The following PDLIM5 variants were observed in gnomAD, a reference collection of about 807,000 sequenced individuals.
The protein encoded by PDLIM5 is PDZ and LIM domain 5, also known as PDZ and LIM domain protein 5.
In PDLIM5, 34 loss-of-function variants were observed where a neutral mutation model predicts 64.2. The ratio of observed to expected loss-of-function variants is 0.53; its 90% CI spans 0.40 to 0.71. The LOEUF is 0.71. Ranked by LOEUF, PDLIM5 falls within the 30% of genes least tolerant of loss-of-function variation. PDLIM5 has a pLI of 0.00. For missense variants in PDLIM5, 683 were observed against 733.6 expected (o/e 0.93, Z 0.80); for synonymous variants, 253 against 269.1 (o/e 0.94, Z 0.59).
chr4:94,538,621 A>G (rs1731516548), intron 3 of PDLIM5, among the ~76,000 whole-genome samples: 1 of 152,218 alleles, frequency 6.6e-6, no homozygotes, highest in African/African-American at 2.4e-5. Context: ...TCAGTATCTT[A>G]TGCTGAGATT....
chr4:94,455,007 A>G (rs974203108), intron 1 of PDLIM5, among the ~76,000 whole-genome samples: 1 of 152,224 alleles, frequency 6.6e-6, no homozygotes, highest in African/African-American at 2.4e-5. Flanking sequence ...AAGTTGTGAA[A>G]CATACTAAGT....
chr4:94,477,255 C>T (rs1382002856), intron 2 of PDLIM5, among the ~76,000 whole-genome samples: 2 of 152,164 alleles, frequency 1.3e-5, no homozygotes, highest in Non-Finnish European at 2.9e-5. Flanking sequence ...TTGACAATAG[C>T]TGCTCTTCGT....
chr4:94,545,060 C>T (rs1732186065), intron 3 of PDLIM5, among the ~76,000 whole-genome samples: 4 of 152,190 alleles, frequency 2.6e-5, no homozygotes, highest in Admixed American at 2.6e-4. Context: ...GAAGTTACTT[C>T]AACTCTATAG....
chr4:94,522,972 A>T (rs1439684355), intron 2 of PDLIM5, among the ~76,000 whole-genome samples: 1 of 148,686 alleles, frequency 6.7e-6, no homozygotes, highest in Non-Finnish European at 1.5e-5. Context: ...ACTTAGTATA[A>T]TATATCTGCT....
In PDLIM5 at chr4:94,666,030, A is replaced by T; in HGVS notation, c.*1963A>T. ...GTTTTTCTCTTTGTTTCCAGAATGG[A>T]TGAAAGTCCATGAACCTCCTAAGTT... On this transcript the variant is annotated 3_prime_UTR_variant, in exon 13 of 13. Coordinates refer to ENST00000317968, the MANE Select transcript of PDLIM5 (RefSeq NM_006457.5). 3 of 1,533,602 alleles carry T rather than the reference A, an allele frequency of 2.0e-6. No individual in the cohort carries two copies. The highest frequency in any genetic ancestry group is 2.6e-6 in the Non-Finnish European group (3 of 1,145,368). The allele number at this position is 1,533,602 out of a possible 1,614,324, so 95.0% of individuals were successfully genotyped here. A position where few individuals can be genotyped will look rare whatever the true frequency, so the allele number is the denominator to read the frequency against.
At chr4:94,570,288 T>C (rs1734697922) in intron 3 of PDLIM5, among the ~76,000 whole-genome samples, 1 of 152,172 alleles carries the variant, frequency 6.6e-6, no homozygotes, top group Non-Finnish European at 1.5e-5. Flanking sequence ...TTTTCCTTCT[T>C]TCTTTGACTC....
intron 5 of PDLIM5, 120 bp from the exon 6 acceptor site, chr4:94,585,445 G>T: frequency 1.6e-6 from 1 of 631,186 alleles, no homozygotes; most frequent in Non-Finnish European, 2.4e-6. Flanking sequence ...AAAGCAAACT[G>T]TTTATATAAA....
chr4:94,469,887 A>G (rs1724694060), intron 2 of PDLIM5, among the ~76,000 whole-genome samples: 1 of 151,148 alleles, frequency 6.6e-6, no homozygotes, highest in Non-Finnish European at 1.5e-5. Flanking sequence ...TTTTAGTTAT[A>G]GTTCTAACAC....
chr4:94,661,931 G>T (rs968660488), intron 11 of PDLIM5, among the ~76,000 whole-genome samples: 1 of 151,092 alleles, frequency 6.6e-6, no homozygotes, highest in Non-Finnish European at 1.5e-5. Context: ...AGCAATTTTC[G>T]TGCCTCAGCC....
chr4:94,646,186 A>G (rs1174987080), intron 9 of PDLIM5, among the ~76,000 whole-genome samples: 2 of 152,196 alleles, frequency 1.3e-5, no homozygotes, highest in Non-Finnish European at 2.9e-5. Flanking sequence ...TCTTCCCAAA[A>G]TTCATTTGCT....
chr4:94,522,961 CACTT>C (rs1480608598), intron 2 of PDLIM5, among the ~76,000 whole-genome samples: 3 of 151,972 alleles, frequency 2.0e-5, no homozygotes, highest in Non-Finnish European at 4.4e-5. Context: ...AGTTCACTGT[CACTT>C]AGTATAATAT....
chr4:94,600,208 A>T (rs1325844144), intron 7 of PDLIM5, among the ~76,000 whole-genome samples: 1 of 152,230 alleles, frequency 6.6e-6, no homozygotes, highest in Non-Finnish European at 1.5e-5. Context: ...TGCTTGGCAC[A>T]AAGTGGGAAT....
At chr4:94,597,800 C>T (rs1737187250) in intron 7 of PDLIM5, among the ~76,000 whole-genome samples, 1 of 152,096 alleles carries the variant, frequency 6.6e-6, no homozygotes, top group East Asian at 1.9e-4. Flanking sequence ...AAGTTAACTT[C>T]TAACCATAAA....
At chr4:94,562,742 G>A (rs1325029773) in intron 3 of PDLIM5, among the ~76,000 whole-genome samples, 1 of 152,194 alleles carries the variant, frequency 6.6e-6, no homozygotes, top group Non-Finnish European at 1.5e-5. Context: ...GAGTGGTGGA[G>A]AGAGGGTGCA....
chr4:94,511,705 C>T (rs534382301), intron 2 of PDLIM5, among the ~76,000 whole-genome samples: 1 of 151,956 alleles, frequency 6.6e-6, no homozygotes, highest in Non-Finnish European at 1.5e-5. Flanking sequence ...CTTTTTTGGT[C>T]CCGCAGATAA....
intron 7 of PDLIM5, among the ~76,000 whole-genome samples, chr4:94,593,983 T>A (rs1736869058): frequency 6.6e-6 from 1 of 152,172 alleles, no homozygotes; most frequent in South Asian, 2.1e-4. Context: ...TAAAAGTTAC[T>A]AATTATATAT....
intron 11 of PDLIM5, among the ~76,000 whole-genome samples, chr4:94,659,486 ATGTGTGTATGTGTGTGTGTG>A: frequency 8.8e-6 from 1 of 113,418 alleles, no homozygotes; most frequent in Non-Finnish European, 1.9e-5. Context: ...TGTAGTATAT[ATGTGTGTATGTGTGTGTGTG>A]TGTGTGTGTG....
chr4:94,611,297 T>C, intron 7 of PDLIM5: 1 of 1,055,698 alleles, frequency 9.5e-7, no homozygotes, highest in African/African-American at 1.6e-5. Flanking sequence ...GGTGAGAACA[T>C]GCTAGAGTTC....
rs28633911 is a variant in PDLIM5 at position 94,561,227 on chromosome 4, T to C, written c.249-12124T>C. Among the ~76,000 whole-genome samples the C allele has an allele frequency of 5.6e-3, 851 of 152,282 alleles. 4 individuals are homozygous for C. The highest frequency in any genetic ancestry group is 0.011 in the Admixed American group (166 of 15,292). ...ACACTGCATGATACAGGCTGTGTGA[T>C]AGTGGTATTATTCAAGTTCCCTTGA... On this transcript the variant is annotated intron_variant, in intron 3 of 12. Coordinates refer to ENST00000317968, the MANE Select transcript of PDLIM5 (RefSeq NM_006457.5).
Sources: gnomAD v4.1 joint callset for allele counts (sites outside exome capture counted in the v4.1 genomes callset) on GRCh38, gnomAD v4.1.1 for gene constraint, MANE v1.5 for transcripts, NCBI Gene and HGNC (gene_info 2026-07-23, HGNC 2026-07-21) for gene names.